The following PGCKA1 variants were observed in gnomAD, a reference collection of about 807,000 sequenced individuals.
The protein encoded by PGCKA1 is PDCD10 and GCKIII kinases-associated protein 1.
chr4:37,481,704 C>T, the PGCKA1 span, among the ~76,000 whole-genome samples: 1 of 152,134 alleles, frequency 6.6e-6, no homozygotes, highest in African/African-American at 2.4e-5. Flanking sequence ...TTCATTTCCT[C>T]TTTGAAGGCT....
chr4:37,580,513 G>A, the PGCKA1 span, among the ~76,000 whole-genome samples: 1 of 152,124 alleles, frequency 6.6e-6, no homozygotes, highest in Non-Finnish European at 1.5e-5. Flanking sequence ...TAATGCTATG[G>A]TTCTTGCAGA....
chr4:37,531,430 A>G, the PGCKA1 span, among the ~76,000 whole-genome samples: 3 of 152,166 alleles, frequency 2.0e-5, no homozygotes, highest in African/African-American at 7.2e-5. Context: ...TATGTGGCTG[A>G]GAGAAAATTG....
the PGCKA1 span, among the ~76,000 whole-genome samples, chr4:37,476,219 T>G: frequency 6.6e-6 from 1 of 152,168 alleles, no homozygotes; most frequent in African/African-American, 2.4e-5. Flanking sequence ...GCACATGGTT[T>G]GGTTCTATTT....
chr4:37,472,550 T>C, the PGCKA1 span, among the ~76,000 whole-genome samples: 5 of 152,350 alleles, frequency 3.3e-5, no homozygotes, highest in East Asian at 9.6e-4. Context: ...ATTGCTGCCT[T>C]TAACTGCAAT....
At chr4:37,520,063 T>G in the PGCKA1 span, among the ~76,000 whole-genome samples, 1 of 152,244 alleles carries the variant, frequency 6.6e-6, no homozygotes, top group Non-Finnish European at 1.5e-5. Flanking sequence ...TGTATCACAT[T>G]GGTTGATTTG....
chr4:37,454,263 C>A, the PGCKA1 span, among the ~76,000 whole-genome samples: 1 of 152,094 alleles, frequency 6.6e-6, no homozygotes, highest in African/African-American at 2.4e-5. Flanking sequence ...AGGGGCAAAA[C>A]TCGGGTGGGG....
chr4:37,537,534 A>G, the PGCKA1 span, among the ~76,000 whole-genome samples: 1 of 152,218 alleles, frequency 6.6e-6, no homozygotes, highest in African/African-American at 2.4e-5. Flanking sequence ...GATTTGTTAT[A>G]GAAAAAAAAT....
At chr4:37,588,555 C>T in the PGCKA1 span, 59 of 326,492 alleles carry the variant, frequency 1.8e-4, no homozygotes, top group African/African-American at 1.1e-3. Flanking sequence ...CATCCTTCCA[C>T]CTTCTTCTCC....
chr4:37,576,672 G>C, the PGCKA1 span, among the ~76,000 whole-genome samples: 1 of 151,990 alleles, frequency 6.6e-6, no homozygotes, highest in Non-Finnish European at 1.5e-5. Context: ...TTAGAGAAAA[G>C]GCTTTCAGTT....
At chr4:37,560,045 A>G in the PGCKA1 span, among the ~76,000 whole-genome samples, 3 of 152,144 alleles carry the variant, frequency 2.0e-5, no homozygotes, top group African/African-American at 4.8e-5. Flanking sequence ...AGATCATTCA[A>G]TACCATAGGC....
At chr4:37,479,482 C>A in the PGCKA1 span, among the ~76,000 whole-genome samples, 1 of 151,954 alleles carries the variant, frequency 6.6e-6, no homozygotes, top group African/African-American at 2.4e-5. Context: ...GAGTTAGATT[C>A]AAGAATTAAT....
At chr4:37,505,743 T>G in the PGCKA1 span, among the ~76,000 whole-genome samples, 1 of 152,194 alleles carries the variant, frequency 6.6e-6, no homozygotes, top group Non-Finnish European at 1.5e-5. Context: ...TATCTCCCAC[T>G]GGGTCCCTTC....
At chr4:37,499,039 G>A in the PGCKA1 span, among the ~76,000 whole-genome samples, 129 of 152,288 alleles carry the variant, frequency 8.5e-4, no homozygotes, top group Non-Finnish European at 1.3e-3. Context: ...ATGAAGGGGC[G>A]TTGAATTTTA....
At chr4:37,556,517 T>C in the PGCKA1 span, among the ~76,000 whole-genome samples, 1 of 152,102 alleles carries the variant, frequency 6.6e-6, no homozygotes, top group African/African-American at 2.4e-5. Flanking sequence ...GATCCACCTG[T>C]CTCAGCCCCG....
the PGCKA1 span, among the ~76,000 whole-genome samples, chr4:37,468,211 A>C: frequency 6.6e-6 from 1 of 152,170 alleles, no homozygotes; most frequent in Non-Finnish European, 1.5e-5. Context: ...GGTCCTTTTC[A>C]CACAGTGTGT....
At chr4:37,538,802 G>T in the PGCKA1 span, among the ~76,000 whole-genome samples, 1 of 152,120 alleles carries the variant, frequency 6.6e-6, no homozygotes, top group Non-Finnish European at 1.5e-5. Flanking sequence ...AAATAGAAAA[G>T]AATGGAAAGA....
the PGCKA1 span, among the ~76,000 whole-genome samples, chr4:37,573,392 A>G: frequency 6.6e-6 from 1 of 152,206 alleles, no homozygotes; most frequent in Non-Finnish European, 1.5e-5. Flanking sequence ...CAGTTCCCAC[A>G]GTGGCAGAAT....
At chr4:37,514,531 TTGAC>T in the PGCKA1 span, among the ~76,000 whole-genome samples, 32 of 152,184 alleles carry the variant, frequency 2.1e-4, no homozygotes, top group Non-Finnish European at 3.5e-4. Context: ...ATCCCATACT[TTGAC>T]TGAGACCTAC....
chr4:37,480,403 G>A, the PGCKA1 span, among the ~76,000 whole-genome samples: 2 of 152,236 alleles, frequency 1.3e-5, no homozygotes, highest in African/African-American at 4.8e-5. Context: ...TGAAGCAGGA[G>A]AATTGCTTGA....
Sources: gnomAD v4.1 joint callset for allele counts (sites outside exome capture counted in the v4.1 genomes callset) on GRCh38, gnomAD v4.1.1 for gene constraint, MANE v1.5 for transcripts, NCBI Gene and HGNC (gene_info 2026-07-23, HGNC 2026-07-21) for gene names.